C6orf89: variants seen among roughly 807,000 people sequenced by gnomAD.
The protein encoded by C6orf89 is chromosome 6 open reading frame 89.
A neutral mutation model predicts 40.7 loss-of-function variants in C6orf89; 29 were observed. The ratio of observed to expected loss-of-function variants is 0.71; its 90% CI spans 0.53 to 0.97. The LOEUF (loss-of-function observed/expected upper bound fraction) is 0.97, where lower values mean the gene tolerates loss of function less well. Among genes scored for constraint, C6orf89 ranks in the 50% least tolerant of loss-of-function variants. The probability of loss-of-function intolerance (pLI) is 0.00; values close to 1 mark genes in which losing one functional copy is unlikely to be tolerated. For missense variants in C6orf89, 392 were observed against 429.1 expected (o/e 0.91, Z 0.76); for synonymous variants, 165 against 152.2 (o/e 1.08, Z -0.62).
rs779924954 is a variant in C6orf89 at position 36,902,228 on chromosome 6, C to A, written c.197C>A (p.Ala66Glu). The change falls in exon 4 of 9, where the codon GCA becomes GAA. Residue 66 changes from alanine to glutamate, a missense_variant. Transcript: ENST00000480824. ...TTCTATCTTTCCTTGTAGGTTCTCG[C>A]AACCTTGGGATTAATCTTGCTCACT... ...PLLIVVYKVL[A>E]TLGLILLTAY... 14 of 1,613,948 alleles carry A rather than the reference C, an allele frequency of 8.7e-6. No homozygotes were observed. In the African/African-American group the frequency reaches 9.3e-5, roughly 11 times the overall value.
upstream of C6orf89, among the ~76,000 whole-genome samples, chr6:36,882,942 T>C (rs1000120339): frequency 2.0e-5 from 3 of 151,686 alleles, no homozygotes; most frequent in African/African-American, 7.3e-5. Flanking sequence ...GGTTTCACCT[T>C]GTTAGCCAGG....
chr6:36,901,695 GTC>G (rs1279882435), intron 3 of C6orf89, among the ~76,000 whole-genome samples: 1 of 140,876 alleles, frequency 7.1e-6, no homozygotes, highest in Non-Finnish European at 1.5e-5. Flanking sequence ...TTGAGACGGA[GTC>G]TCTCGCTCTG....
At chr6:36,874,844 T>A (rs1774608461) in intron 1 of C6orf89, 2 of 1,527,930 alleles carry the variant, frequency 1.3e-6, no homozygotes, top group South Asian at 1.2e-5. Flanking sequence ...GACCCGTCGC[T>A]GCTGCACACT....
At position 36,901,710 on chromosome 6, in the gene C6orf89, G is replaced by T. The variant is rs182037275; in HGVS notation, c.190-511G>T. Among the ~76,000 whole-genome samples, 543 of 149,406 alleles carry T rather than the reference G, an allele frequency of 3.6e-3. 1 individual carries two copies. The highest frequency in any genetic ancestry group is 5.5e-3 in the Non-Finnish European group (374 of 67,496). The stretch of plus-strand genomic sequence containing the variant: ...TTGAGACGGAGTCTCTCGCTCTGTC[G>T]CCCAGGCTGGAGTGCAGTGGCGCGA... On this transcript the variant is annotated intron_variant, in intron 3 of 8. Transcript: ENST00000480824.
chr6:36,889,848 T>C (rs1383140564), intron 1 of C6orf89, among the ~76,000 whole-genome samples: 1 of 152,236 alleles, frequency 6.6e-6, no homozygotes, highest in African/African-American at 2.4e-5. Context: ...TCTTAGGAGA[T>C]GCATGTTGAA....
chr6:36,910,851 G>T (rs1056081938), intron 4 of C6orf89, among the ~76,000 whole-genome samples: 3 of 152,068 alleles, frequency 2.0e-5, no homozygotes, highest in Admixed American at 6.5e-5. Flanking sequence ...TAAATTTATT[G>T]CTAGTTATTA....
intron 6 of C6orf89, among the ~76,000 whole-genome samples, chr6:36,915,566 A>G (rs1316206128): frequency 6.6e-6 from 1 of 151,928 alleles, no homozygotes; most frequent in Non-Finnish European, 1.5e-5. Context: ...ACATAGGGAG[A>G]CCCCATCTCT....
intron 8 of C6orf89, among the ~76,000 whole-genome samples, chr6:36,922,456 A>G (rs1048358771): frequency 3.3e-5 from 5 of 152,368 alleles, no homozygotes; most frequent in African/African-American, 9.6e-5. Flanking sequence ...TTACCTTCAT[A>G]GCCCACTCAA....
At chr6:36,900,973 A>G (rs1761660988) in intron 3 of C6orf89, among the ~76,000 whole-genome samples, 1 of 151,938 alleles carries the variant, frequency 6.6e-6, no homozygotes, top group South Asian at 2.1e-4. Flanking sequence ...CAGCCTCCCA[A>G]GTAGCTGGGA....
intron 1 of C6orf89, among the ~76,000 whole-genome samples, chr6:36,873,246 A>C (rs1317116840): frequency 6.6e-6 from 1 of 152,252 alleles, no homozygotes; most frequent in Non-Finnish European, 1.5e-5. Flanking sequence ...AAAATATACA[A>C]AAGTGCCTAA....
chr6:36,902,595 C>G (rs1369555329), intron 4 of C6orf89, among the ~76,000 whole-genome samples, 161 bp downstream of exon 4: 1 of 152,168 alleles, frequency 6.6e-6, no homozygotes, highest in Non-Finnish European at 1.5e-5. Context: ...TTTATTATCC[C>G]CGTTTCACAG....
At chr6:36,915,544 C>T (rs1025157366) in intron 6 of C6orf89, among the ~76,000 whole-genome samples, 3 of 152,006 alleles carry the variant, frequency 2.0e-5, no homozygotes, top group Non-Finnish European at 4.4e-5. Flanking sequence ...GAGTTGGAGA[C>T]CAGCCCAGGC....
chr6:36,872,891 G>A (rs1382667864), intron 1 of C6orf89, among the ~76,000 whole-genome samples: 1 of 152,194 alleles, frequency 6.6e-6, no homozygotes, highest in Non-Finnish European at 1.5e-5. Flanking sequence ...TTACAGATGT[G>A]AGCTATGGCA....
At chr6:36,921,029 G>C (rs886882501) in intron 8 of C6orf89, among the ~76,000 whole-genome samples, 34 of 152,066 alleles carry the variant, frequency 2.2e-4, no homozygotes, top group Non-Finnish European at 4.1e-4. Flanking sequence ...ATCAAATGCT[G>C]GTACAGATAG....
At chr6:36,920,820 A>G (rs980624824) in intron 8 of C6orf89, among the ~76,000 whole-genome samples, 21 of 152,150 alleles carry the variant, frequency 1.4e-4, no homozygotes, top group African/African-American at 4.8e-4. Flanking sequence ...TGGCATATTT[A>G]GGTTTGGAGC....
upstream of C6orf89, among the ~76,000 whole-genome samples, chr6:36,882,831 G>A (rs1012378666): frequency 4.7e-5 from 7 of 147,394 alleles, no homozygotes; most frequent in African/African-American, 1.0e-4. Context: ...TCCGCTTCCC[G>A]GGTTCACGCC....
At chr6:36,903,658 A>T (rs901388938) in intron 4 of C6orf89, among the ~76,000 whole-genome samples, 1 of 152,074 alleles carries the variant, frequency 6.6e-6, no homozygotes, top group Non-Finnish European at 1.5e-5. Context: ...ACAGGGTTTC[A>T]CCGTGTTAGC....
chr6:36,897,293 C>T (rs1301782311), intron 2 of C6orf89, among the ~76,000 whole-genome samples: 2 of 152,154 alleles, frequency 1.3e-5, no homozygotes, highest in African/African-American at 2.4e-5. Context: ...TCTCCATATA[C>T]ACCCAAATCC....
chr6:36,899,848 T>C (rs1446715468), intron 3 of C6orf89, among the ~76,000 whole-genome samples: 1 of 152,234 alleles, frequency 6.6e-6, no homozygotes, highest in Non-Finnish European at 1.5e-5. Flanking sequence ...ATTATATTTG[T>C]GTAATATTAT....
Sources: gnomAD v4.1 joint callset for allele counts (sites outside exome capture counted in the v4.1 genomes callset) on GRCh38, gnomAD v4.1.1 for gene constraint, MANE v1.5 for transcripts, NCBI Gene and HGNC (gene_info 2026-07-23, HGNC 2026-07-21) for gene names.